RP1: variants seen among roughly 807,000 people sequenced by gnomAD.
RP1 encodes RP1 axonemal microtubule associated.
A neutral mutation model predicts 14.8 loss-of-function variants in RP1; 16 were observed. The ratio of observed to expected loss-of-function variants is 1.08; its 90% CI spans 0.73 to 1.65. RP1 has a LOEUF of 1.65. Among genes scored for constraint, RP1 ranks in the 40% most tolerant of loss-of-function variants. The probability of loss-of-function intolerance (pLI) is 0.00; values close to 1 mark genes in which losing one functional copy is unlikely to be tolerated. For missense variants in RP1, 2,631 were observed against 2,535.0 expected (o/e 1.04, Z -0.81); for synonymous variants, 876 against 883.6 (o/e 0.99, Z 0.15).
intron 24 of RP1, among the ~76,000 whole-genome samples, chr8:54,797,369 G>C (rs903660490): frequency 2.0e-5 from 3 of 152,174 alleles, no homozygotes; most frequent in African/African-American, 7.2e-5. Context: ...CAGTTTGGCT[G>C]TAATAGTTTT....
chr8:54,714,184 C>T (rs1169780823), intron 15 of RP1, among the ~76,000 whole-genome samples: 1 of 152,170 alleles, frequency 6.6e-6, no homozygotes, highest in African/African-American at 2.4e-5. Context: ...CCTCAGCCTC[C>T]CAAAGTGCTG....
At chr8:54,581,086 T>C (rs1223460954) in intron 1 of RP1, among the ~76,000 whole-genome samples, 1 of 152,168 alleles carries the variant, frequency 6.6e-6, no homozygotes, top group African/African-American at 2.4e-5. Flanking sequence ...ACATATGCCA[T>C]GTTGGTGTGC....
At chr8:54,673,908 G>A in exon 8 of RP1, 1 of 1,535,824 alleles carries the variant, frequency 6.5e-7, no homozygotes. Context: ...ATTGTGATAG[G>A]CCATGATGGA....
intron 12 of RP1, among the ~76,000 whole-genome samples, chr8:54,697,873 C>A (rs556223055): frequency 5.6e-4 from 86 of 152,280 alleles, no homozygotes; most frequent in African/African-American, 2.0e-3. Context: ...TTCATTACAC[C>A]TTATACAAAA....
intron 3 of RP1, among the ~76,000 whole-genome samples, chr8:54,622,840 A>T (rs1374825278): frequency 6.6e-6 from 1 of 152,226 alleles, no homozygotes. Context: ...ATTCTGTAGG[A>T]TCTGCTGTGT....
At chr8:54,699,233 GGAATCACCA>G (rs1173441622) in intron 12 of RP1, among the ~76,000 whole-genome samples, 1 of 151,706 alleles carries the variant, frequency 6.6e-6, no homozygotes, top group Non-Finnish European at 1.5e-5. Context: ...CATGGATCAA[GGAATCACCA>G]GTTTTTAAAA....
intron 1 of RP1, among the ~76,000 whole-genome samples, chr8:54,575,923 A>T (rs1485784983): frequency 6.6e-6 from 1 of 152,174 alleles, no homozygotes; most frequent in Non-Finnish European, 1.5e-5. Flanking sequence ...TGAGTGTGTG[A>T]GCAGAGAGAA....
At chr8:54,826,317 C>T (rs1299313620) in intron 24 of RP1, among the ~76,000 whole-genome samples, 1 of 152,184 alleles carries the variant, frequency 6.6e-6, no homozygotes, top group African/African-American at 2.4e-5. Flanking sequence ...ATGTAGATGG[C>T]TGTGCCCCCC....
chr8:54,830,518 T>C (rs1164134634), intron 24 of RP1, among the ~76,000 whole-genome samples: 1 of 152,152 alleles, frequency 6.6e-6, no homozygotes, highest in Non-Finnish European at 1.5e-5. Flanking sequence ...TGCAGATTTC[T>C]TATGCTTTGT....
intron 24 of RP1, among the ~76,000 whole-genome samples, chr8:54,823,818 A>G (rs1811316794): frequency 6.6e-6 from 1 of 152,226 alleles, no homozygotes; most frequent in Non-Finnish European, 1.5e-5. Context: ...ATAAATTCCC[A>G]GGAATGCAAT....
intron 25 of RP1, among the ~76,000 whole-genome samples, chr8:54,844,193 G>A (rs1252267455): frequency 1.3e-5 from 2 of 152,198 alleles, no homozygotes; most frequent in Non-Finnish European, 2.9e-5. Flanking sequence ...GCTGGACAGA[G>A]TTGGAAGCCC....
At chr8:54,775,157 T>C (rs1344359291) in intron 23 of RP1, among the ~76,000 whole-genome samples, 2 of 151,394 alleles carry the variant, frequency 1.3e-5, no homozygotes, top group African/African-American at 4.9e-5. Context: ...ACCTAGAAAA[T>C]AGTGGTTCTG....
At chr8:54,865,914 C>G (rs1812447456) in exon 28 of RP1, 1 of 1,212,910 alleles carries the variant, frequency 8.2e-7, no homozygotes, top group Admixed American at 4.2e-5. Flanking sequence ...TTCTATGCAA[C>G]AGGTATGCTC....
exon 4 of RP1, chr8:54,649,095 C>T: frequency 6.5e-7 from 1 of 1,527,328 alleles, no homozygotes; most frequent in Middle Eastern, 1.8e-4. Flanking sequence ...CCCCATATAT[C>T]TTTATGGAAC....
Position 54,808,444 on chromosome 8 carries a change from G to A in RP1, c.3615+24734G>A, listed in dbSNP as rs111314397. On this transcript the variant is annotated intron_variant, in intron 24 of 28. Transcript: ENST00000637698. ...GACATTCTCCACAGATTTGCCATCAGCCTGAGCTTTGAATAGTTGTGATTT... is the reference window on the plus strand; with the variant it reads ...GACATTCTCCACAGATTTGCCATCAACCTGAGCTTTGAATAGTTGTGATTT... 3.5e-3 allele frequency among the ~76,000 whole-genome samples: 530 copies of A among 152,302 alleles called. 4 individuals are homozygous for A. The highest frequency in any genetic ancestry group is 0.012 in the African/African-American group (506 of 41,558).
intron 1 of RP1, among the ~76,000 whole-genome samples, chr8:54,578,104 C>T (rs906088272): frequency 2.0e-5 from 3 of 152,104 alleles, no homozygotes; most frequent in South Asian, 2.1e-4. Flanking sequence ...CCTCCTCCCC[C>T]GACCCCACAA....
intron 25 of RP1, among the ~76,000 whole-genome samples, chr8:54,842,085 A>C (rs1811801627): frequency 6.6e-6 from 1 of 152,224 alleles, no homozygotes; most frequent in Non-Finnish European, 1.5e-5. Context: ...ATAACAACTG[A>C]GCTAAATTAA....
intron 1 of RP1, among the ~76,000 whole-genome samples, chr8:54,603,840 G>T (rs1422408630): frequency 6.6e-6 from 1 of 152,120 alleles, no homozygotes; most frequent in Non-Finnish European, 1.5e-5. Context: ...CTCTCTGTTT[G>T]TCTGTTATTG....
At chr8:54,561,715 T>G (rs1198149251) in intron 1 of RP1, 2 of 152,234 alleles carry the variant, frequency 1.3e-5, no homozygotes, top group Non-Finnish European at 2.9e-5. Context: ...TTGACTCACT[T>G]AAAGAAGAAT....
Sources: allele counts gnomAD v4.1 joint callset (sites outside exome capture counted in the v4.1 genomes callset), GRCh38; gene constraint gnomAD v4.1.1; transcripts MANE v1.5; gene names NCBI Gene and HGNC (gene_info 2026-07-23, HGNC 2026-07-21).